Variants in WDFY4 observed in about 807,000 individuals in gnomAD.
The protein encoded by WDFY4 is WD repeat- and FYVE domain-containing protein 4.
WDFY4 carries 169 observed loss-of-function variants against 351.9 expected under a neutral mutation model. The observed-to-expected ratio is 0.48, with a 90% CI of 0.42 to 0.55. WDFY4 has a LOEUF of 0.55. WDFY4 is among the 20% of genes least tolerant of loss of function. WDFY4 has a pLI of 0.00. For synonymous variants in WDFY4, 1,622 were observed against 1,574.6 expected (o/e 1.03, Z -0.71); for missense variants, 3,803 against 3,935.6 (o/e 0.97, Z 0.90).
intron 53 of WDFY4, 86 bp from the exon 54 acceptor site, chr10:48,963,746 CAGCACTCTGA>C (rs1841961825): frequency 1.5e-6 from 2 of 1,306,034 alleles, no homozygotes; most frequent in Non-Finnish European, 2.1e-6. Flanking sequence ...TGTGCAGGGC[CAGCACTCTGA>C]AGCATGTGCC....
intron 13 of WDFY4, among the ~76,000 whole-genome samples, chr10:48,761,607 A>G (rs974745166): frequency 6.6e-6 from 1 of 152,210 alleles, no homozygotes; most frequent in African/African-American, 2.4e-5. Flanking sequence ...TCCCGGCAGA[A>G]CTAACAGCCT....
In WDFY4 at chr10:48,819,459, G is replaced by A. The variant is rs549026575; in HGVS notation, c.5506-775G>A. 5.1e-4 allele frequency among the ~76,000 whole-genome samples: 78 copies of A among 152,258 alleles called. 1 individual carries two copies. Among genetic ancestry groups the A allele is most frequent in the African/African-American group, 1.7e-3 (71 of 41,546 alleles). On this transcript the variant is annotated intron_variant, in intron 32 of 61. Coordinates refer to ENST00000325239, the MANE Select transcript of WDFY4 (RefSeq NM_001394531.1). ...TTTTATGGCTTAATTAAGAACGGCC[G>A]CATTAATTTTATGAATGAGCAAAGG...
intron 2 of WDFY4, among the ~76,000 whole-genome samples, chr10:48,714,168 A>G (rs1471171020): frequency 6.6e-6 from 1 of 152,248 alleles, no homozygotes; most frequent in Non-Finnish European, 1.5e-5. Context: ...TGGTAGCAGA[A>G]TGTCACCAGG....
At chr10:48,730,309 G>C (rs890023974) in intron 8 of WDFY4, among the ~76,000 whole-genome samples, 2 of 152,214 alleles carry the variant, frequency 1.3e-5, no homozygotes, top group Non-Finnish European at 1.5e-5. Context: ...AGGCAGGGAG[G>C]CTGCAGTGCT....
Position 48,953,302 on chromosome 10 carries a change from GTCTCTCTCTCTC to G in WDFY4, c.7978-3806_7978-3795del, listed in dbSNP as rs140127650. 3.2e-5 allele frequency among the ~76,000 whole-genome samples: 4 copies of G among 126,026 alleles called. No individual in the cohort carries two copies. In the South Asian group the frequency reaches 9.3e-4, roughly 29 times the overall value. 82.7% of individuals were successfully genotyped at this position (126,026 alleles called of 152,430 possible). A position where few individuals can be genotyped will look rare whatever the true frequency, so the allele number is the denominator to read the frequency against. ...GTGCCTGCTTCATCGCATGAGATAT[GTCTCTCTCTCTC>G]TCTCTCTCTCTCTCTCTCTCACACA... On this transcript the variant is annotated intron_variant, in intron 51 of 61. Transcript: ENST00000325239.
At chr10:48,924,609 T>C (rs1038906280) in intron 47 of WDFY4, among the ~76,000 whole-genome samples, 2 of 152,232 alleles carry the variant, frequency 1.3e-5, no homozygotes, top group African/African-American at 2.4e-5. Context: ...TGTGTCTTTT[T>C]GTTCTTGTAC....
intron 53 of WDFY4, among the ~76,000 whole-genome samples, chr10:48,960,312 G>A (rs1218011903): frequency 1.3e-5 from 2 of 152,190 alleles, no homozygotes; most frequent in Admixed American, 6.5e-5. Flanking sequence ...CATGAAAGAC[G>A]TTCAACATCA....
chr10:48,947,853 A>T (rs1482941568), intron 51 of WDFY4, among the ~76,000 whole-genome samples: 1 of 152,236 alleles, frequency 6.6e-6, no homozygotes, highest in African/African-American at 2.4e-5. Flanking sequence ...GCCCTGATCC[A>T]GACCCTGCAA....
chr10:48,858,993 T>A (rs1399550141), intron 39 of WDFY4, among the ~76,000 whole-genome samples: 2 of 152,208 alleles, frequency 1.3e-5, no homozygotes, highest in African/African-American at 4.8e-5. Flanking sequence ...TATTTCAGCA[T>A]CCATGTGTTC....
intron 12 of WDFY4, among the ~76,000 whole-genome samples, chr10:48,751,911 C>T (rs1195636863): frequency 6.6e-6 from 1 of 152,192 alleles, no homozygotes; most frequent in Non-Finnish European, 1.5e-5. Flanking sequence ...TGGTTCACGT[C>T]CTGCAAAGGC....
chr10:48,932,043 C>A (rs1012791159), intron 47 of WDFY4, among the ~76,000 whole-genome samples: 4 of 152,242 alleles, frequency 2.6e-5, no homozygotes, highest in Non-Finnish European at 5.9e-5. Context: ...GTGAGCCCCA[C>A]TCCCCTTCAT....
chr10:48,711,750 C>T (rs1032918858), intron 2 of WDFY4, among the ~76,000 whole-genome samples: 4 of 152,166 alleles, frequency 2.6e-5, no homozygotes, highest in Non-Finnish European at 5.9e-5. Context: ...CCAGAGCAGA[C>T]GGCATCGAAT....
chr10:48,843,735 A>G (rs1010667146), intron 39 of WDFY4, among the ~76,000 whole-genome samples: 4 of 152,214 alleles, frequency 2.6e-5, no homozygotes, highest in African/African-American at 9.6e-5. Flanking sequence ...AGATTTAGAT[A>G]TATTGGACTT....
chr10:48,921,115 G>T (rs1399577002), intron 47 of WDFY4, among the ~76,000 whole-genome samples: 4 of 152,142 alleles, frequency 2.6e-5, no homozygotes, highest in African/African-American at 4.8e-5. Flanking sequence ...ATATATGGAT[G>T]AATAGATTTT....
Position 48,760,371 on chromosome 10 carries a change from C to T in WDFY4, c.2484C>T (p.Ile828=). The change falls in exon 13 of 62, where the codon ATC becomes ATT. Residue 828 remains isoleucine (I), a synonymous_variant. Transcript: ENST00000325239. ...GGATGGATGAGGGAGATGCTGCAAT[C>T]ATGCATCCCGGGGTCGTGTGCATCA... The part of the protein sequence containing the change: ...EERMDEGDAA[I]MHPGVVCIMV... The T allele has an allele frequency of 6.4e-7, 1 of 1,551,678 alleles. No homozygotes were observed. The highest frequency in any genetic ancestry group is 8.7e-7 in the Non-Finnish European group (1 of 1,147,008).
chr10:48,739,520 T>C lies in WDFY4; in HGVS notation c.1879-3448T>C, dbSNP rs1029239218. On this transcript the variant is annotated intron_variant, in intron 11 of 61. Coordinates refer to ENST00000325239, the MANE Select transcript of WDFY4 (RefSeq NM_001394531.1). Reference sequence around the variant, plus strand: ...CAAATCATTTCCCGAAGTAGAGAAGTATTTATTTTCCTTTATGATAGAAAT... The same window carrying C: ...CAAATCATTTCCCGAAGTAGAGAAGCATTTATTTTCCTTTATGATAGAAAT... 2.6e-5 allele frequency among the ~76,000 whole-genome samples: 4 copies of C among 152,346 alleles called. No individual in the cohort carries two copies. The Middle Eastern group carries it at 0.01, about 389-fold the overall frequency.
At chr10:48,955,068 A>T (rs771949758) in intron 51 of WDFY4, among the ~76,000 whole-genome samples, 4 of 152,220 alleles carry the variant, frequency 2.6e-5, no homozygotes, top group Non-Finnish European at 5.9e-5. Flanking sequence ...CAAAAGGGAA[A>T]CAGGACGAGG....
intron 18 of WDFY4, 50 bp from the exon 19 acceptor site, chr10:48,779,891 C>T: frequency 1.3e-6 from 2 of 1,544,570 alleles, no homozygotes; most frequent in Non-Finnish European, 1.7e-6. Context: ...CTCCTGGGTT[C>T]CTGCAGTGTA....
intron 43 of WDFY4, among the ~76,000 whole-genome samples, chr10:48,879,390 A>T (rs950198791): frequency 3.9e-5 from 6 of 152,186 alleles, no homozygotes; most frequent in African/African-American, 1.4e-4. Flanking sequence ...TCCATAGTAA[A>T]CAGATATCAT....
Sources: allele counts gnomAD v4.1 joint callset (sites outside exome capture counted in the v4.1 genomes callset), GRCh38; gene constraint gnomAD v4.1.1; transcripts MANE v1.5; gene names NCBI Gene and HGNC (gene_info 2026-07-23, HGNC 2026-07-21).